The following HDGFL3 variants were observed in gnomAD, a reference collection of about 807,000 sequenced individuals.
HDGFL3 encodes HDGF like 3, also known as hepatoma-derived growth factor-related protein 3.
A neutral mutation model predicts 27.6 loss-of-function variants in HDGFL3; 6 were observed. The ratio of observed to expected loss-of-function variants is 0.22; its 90% CI spans 0.12 to 0.43. The LOEUF (loss-of-function observed/expected upper bound fraction) is 0.43. Ranked by LOEUF, HDGFL3 falls within the 20% of genes least tolerant of loss-of-function variation. HDGFL3 has a pLI of 1.00. For synonymous variants in HDGFL3, 88 were observed against 88.9 expected (o/e 0.99, Z 0.05); for missense variants, 207 against 250.1 (o/e 0.83, Z 1.16).
rs1196900266 is a variant in HDGFL3 at position 83,132,152 on chromosome 15, G to A, written c.*7118C>T. 6.6e-6 allele frequency: 1 copy of A among 152,186 alleles called. No individual in the cohort carries two copies. Among genetic ancestry groups the A allele is most frequent in the Non-Finnish European group, 1.5e-5 (1 of 68,036 alleles). The allele number at this position is 152,186 out of a possible 1,614,324, so 9.4% of individuals were successfully genotyped here. On this transcript the variant is annotated 3_prime_UTR_variant, in exon 6 of 6. Transcript: ENST00000299633. ...GGAATTGCTGTTAGGGTTGGATGAG[G>A]TAATACATGTAAAGGGCTTAAAACA...
At position 83,207,442 on chromosome 15, in the gene HDGFL3, T is replaced by G; in HGVS notation, c.-28A>C. 6 of 1,279,908 alleles carry G rather than the reference T, an allele frequency of 4.7e-6. No individual in the cohort carries two copies. Among genetic ancestry groups the G allele is most frequent in the Non-Finnish European group, 5.0e-6 (5 of 1,004,542 alleles). 79.3% of individuals were successfully genotyped at this position (1,279,908 alleles called of 1,614,324 possible). A position where few individuals can be genotyped will look rare whatever the true frequency, so the allele number is the denominator to read the frequency against. On this transcript the variant is annotated 5_prime_UTR_variant, in exon 1 of 6. Transcript: ENST00000299633. The surrounding 1 kb of genome is among the most constrained non-coding windows in gnomAD (Gnocchi z 4.8). ...CAGCCGCTCCCCTTCCTGGTAGTCC[T>G]TGGTCGCCGCGAAGATGCCGGGAGG...
At chr15:83,176,838 T>C (rs1028452776) in intron 1 of HDGFL3, among the ~76,000 whole-genome samples, 1 of 152,124 alleles carries the variant, frequency 6.6e-6, no homozygotes, top group African/African-American at 2.4e-5. Flanking sequence ...TGGTGCAAGT[T>C]GGTTTCCCTA....
chr15:83,149,924 A>G (rs1017054359), intron 5 of HDGFL3, among the ~76,000 whole-genome samples: 1 of 152,166 alleles, frequency 6.6e-6, no homozygotes, highest in Non-Finnish European at 1.5e-5. Context: ...AGGAGGAGAT[A>G]ATATTCTGAA....
chr15:83,118,354 A>T (rs2034893313), intron 3 of HDGFL3, among the ~76,000 whole-genome samples: 3 of 152,052 alleles, frequency 2.0e-5, no homozygotes, highest in Admixed American at 2.0e-4. Flanking sequence ...AGTTGAAAGG[A>T]CCTGTGGCCT....
chr15:83,187,514 G>A (rs1051899412), intron 1 of HDGFL3, among the ~76,000 whole-genome samples: 2 of 152,120 alleles, frequency 1.3e-5, no homozygotes, highest in African/African-American at 4.8e-5. Flanking sequence ...TAATAATACA[G>A]CAATTGGATA....
chr15:83,129,164 C>A lies in HDGFL3; in HGVS notation c.*10106G>T, dbSNP rs534136195. The A allele has an allele frequency of 6.6e-6, 1 of 152,082 alleles. No homozygotes were observed. Among genetic ancestry groups the A allele is most frequent in the Non-Finnish European group, 1.5e-5 (1 of 68,026 alleles). 9.4% of individuals were successfully genotyped at this position (152,082 alleles called of 1,614,324 possible). ...TAGTTTTACTCCAGTGATTCTCCAA[C>A]CCATTTTTTTTTTCCAGCTCCGCTG... On this transcript the variant is annotated 3_prime_UTR_variant, in exon 6 of 6. Transcript: ENST00000299633.
rs1217713700 is a variant in HDGFL3 at position 83,127,872 on chromosome 15, T to C, written c.*11398A>G. 9 of 249,314 alleles carry C rather than the reference T, an allele frequency of 3.6e-5. No individual in the cohort carries two copies. Among genetic ancestry groups the C allele is most frequent in the East Asian group, 3.1e-4 (2 of 6,554 alleles). The allele number at this position is 249,314 out of a possible 1,614,324, so 15.4% of individuals were successfully genotyped here. On this transcript the variant is annotated 3_prime_UTR_variant, in exon 6 of 6. Coordinates refer to ENST00000299633, the MANE Select transcript of HDGFL3 (RefSeq NM_016073.4). ...CAAATTTAAGACTTCAGAATTCCAC[T>C]ACGCTATGCTATACAGAACCAGGGA...
At chr15:83,179,031 A>G (rs2037348575) in intron 1 of HDGFL3, among the ~76,000 whole-genome samples, 2 of 152,200 alleles carry the variant, frequency 1.3e-5, no homozygotes, top group African/African-American at 4.8e-5. Flanking sequence ...CAAACAGAAC[A>G]GGCACAGTTC....
chr15:83,187,809 C>T (rs2037463562), intron 1 of HDGFL3, among the ~76,000 whole-genome samples: 1 of 151,366 alleles, frequency 6.6e-6, no homozygotes, highest in Admixed American at 6.6e-5. Context: ...AACTGATTGA[C>T]CTGGGAGGCT....
chr15:83,151,190 AGAGAAATT>A lies in HDGFL3; in HGVS notation c.606+17_606+24del. The A allele has an allele frequency of 6.3e-7, 1 of 1,599,232 alleles. No individual in the cohort carries two copies. Among genetic ancestry groups the A allele is most frequent in the Non-Finnish European group, 8.5e-7 (1 of 1,174,704 alleles). On this transcript the variant is annotated intron_variant, in intron 5 of 5. Coordinates refer to ENST00000299633, the MANE Select transcript of HDGFL3 (RefSeq NM_016073.4). ...GCAAAATGTCTTCTAATAGAAGGTAAGAGAAATTATAAGCACATCCTTACCCCTTCACT... is the reference window on the plus strand; with the variant it reads ...GCAAAATGTCTTCTAATAGAAGGTAAATAAGCACATCCTTACCCCTTCACT...
chr15:83,142,280 C>A (rs534448600), intron 5 of HDGFL3, among the ~76,000 whole-genome samples: 2 of 152,280 alleles, frequency 1.3e-5, no homozygotes, highest in South Asian at 4.1e-4. Flanking sequence ...AACCTAAATG[C>A]CCATCAATGA....
rs1221599727 is a variant in HDGFL3 at position 83,207,473 on chromosome 15, C to T, written c.-59G>A. On this transcript the variant is annotated 5_prime_UTR_variant, in exon 1 of 6. Coordinates refer to ENST00000299633, the MANE Select transcript of HDGFL3 (RefSeq NM_016073.4). This position sits in a 1 kb window ranked among gnomAD's most constrained non-coding sequence, Gnocchi z 4.8. Reference sequence around the variant, plus strand: ...GCCGCGAAGATGCCGGGAGGCCGCCCCCCCGCGGGCCGACGAATTGCGCCG... The same window carrying T: ...GCCGCGAAGATGCCGGGAGGCCGCCTCCCCGCGGGCCGACGAATTGCGCCG... 8.3e-7 allele frequency: 1 copy of T among 1,210,068 alleles called. No individual in the cohort carries two copies. The allele number at this position is 1,210,068 out of a possible 1,614,324, so 75.0% of individuals were successfully genotyped here. A position where few individuals can be genotyped will look rare whatever the true frequency, so the allele number is the denominator to read the frequency against.
chr15:83,197,932 G>A (rs1227780279), intron 1 of HDGFL3, among the ~76,000 whole-genome samples: 3 of 151,378 alleles, frequency 2.0e-5, no homozygotes, highest in African/African-American at 7.3e-5. Context: ...CTAATTGGGA[G>A]GCTGAGGCAG....
chr15:83,113,009 A>G (rs2034327607), exon 4 of HDGFL3: 1 of 901,338 alleles, frequency 1.1e-6, no homozygotes, highest in Non-Finnish European at 1.8e-6. Context: ...CTTTGGTAAC[A>G]GTGGCTGCAA....
chr15:83,162,852 G>C (rs2151404958), intron 2 of HDGFL3, among the ~76,000 whole-genome samples: 1 of 152,286 alleles, frequency 6.6e-6, no homozygotes, highest in East Asian at 1.9e-4. Context: ...ACAGTTTTTA[G>C]CTTTTCTCCA....
downstream of HDGFL3, chr15:83,124,619 A>G: frequency 7.3e-7 from 1 of 1,377,144 alleles, no homozygotes; most frequent in Non-Finnish European, 1.0e-6. Context: ...TTCAGATTTC[A>G]GATTCTTCTT....
chr15:83,203,654 C>G (rs1232974739), intron 1 of HDGFL3, among the ~76,000 whole-genome samples: 2 of 151,634 alleles, frequency 1.3e-5, no homozygotes, highest in Non-Finnish European at 2.9e-5. Context: ...AAGAAGCAGG[C>G]AGAAAATATT....
intron 1 of HDGFL3, among the ~76,000 whole-genome samples, chr15:83,200,912 TA>T (rs2037637494): frequency 1.3e-5 from 2 of 151,630 alleles, no homozygotes; most frequent in East Asian, 3.8e-4. Flanking sequence ...TACAGATGGT[TA>T]TTTACCAGAC....
chr15:83,165,010 T>C (rs941004284), intron 1 of HDGFL3, among the ~76,000 whole-genome samples: 2 of 152,218 alleles, frequency 1.3e-5, no homozygotes, highest in African/African-American at 4.8e-5. Context: ...AGTGAGTATT[T>C]ACAAGAAGAA....
Sources: allele counts gnomAD v4.1 joint callset (sites outside exome capture counted in the v4.1 genomes callset), GRCh38; gene constraint gnomAD v4.1.1; non-coding constraint Gnocchi (gnomAD v3.1); transcripts MANE v1.5; gene names NCBI Gene and HGNC (gene_info 2026-07-23, HGNC 2026-07-21).